Variants in CADPS2 observed in about 807,000 individuals in gnomAD.
CADPS2 encodes calcium-dependent secretion activator 2.
In CADPS2, 93 loss-of-function variants were observed where a neutral mutation model predicts 172.5. That is an observed-to-expected ratio of 0.54 (90% CI 0.46 to 0.64). The LOEUF (loss-of-function observed/expected upper bound fraction) is 0.64, where lower values mean the gene tolerates loss of function less well. Among genes scored for constraint, CADPS2 ranks in the 30% least tolerant of loss-of-function variants. The probability of loss-of-function intolerance (pLI) is 0.00; values close to 1 mark genes in which losing one functional copy is unlikely to be tolerated. For synonymous variants in CADPS2, 546 were observed against 555.2 expected (o/e 0.98, Z 0.23); for missense variants, 1,420 against 1,565.9 (o/e 0.91, Z 1.57).
intron 15 of CADPS2, among the ~76,000 whole-genome samples, chr7:122,444,848 T>G (rs1298965937): frequency 6.6e-6 from 1 of 152,134 alleles, no homozygotes; most frequent in East Asian, 1.9e-4. Flanking sequence ...TGATTATGTT[T>G]TATTTAAGAA....
intron 1 of CADPS2, among the ~76,000 whole-genome samples, chr7:122,792,868 C>T (rs1180029311): frequency 2.0e-5 from 3 of 152,190 alleles, no homozygotes; most frequent in South Asian, 2.1e-4. Flanking sequence ...CTTCTGGCAA[C>T]TTCTAGTTCA....
At chr7:122,711,310 C>T (rs2088678224) in intron 2 of CADPS2, among the ~76,000 whole-genome samples, 1 of 152,022 alleles carries the variant, frequency 6.6e-6, no homozygotes, top group Non-Finnish European at 1.5e-5. Flanking sequence ...AAAAATTCTC[C>T]TTTAATTATT....
At chr7:122,788,039 G>A (rs1794448953) in intron 1 of CADPS2, among the ~76,000 whole-genome samples, 1 of 152,162 alleles carries the variant, frequency 6.6e-6, no homozygotes, top group Admixed American at 6.5e-5. Context: ...CACACTATGG[G>A]AGACTGAGAA....
chr7:122,602,821 G>A (rs1478938073), intron 6 of CADPS2, among the ~76,000 whole-genome samples: 2 of 152,066 alleles, frequency 1.3e-5, no homozygotes, highest in Non-Finnish European at 2.9e-5. Flanking sequence ...TATAAGGTTG[G>A]ATTCAATTTA....
intron 29 of CADPS2, 74 bp from the exon 30 acceptor site, chr7:122,320,412 A>G: frequency 8.4e-7 from 1 of 1,188,786 alleles, no homozygotes; most frequent in Non-Finnish European, 1.1e-6. Context: ...CTCAGTTGGC[A>G]TTTCAAAAAT....
intron 1 of CADPS2, among the ~76,000 whole-genome samples, chr7:122,854,276 T>C (rs1814565307): frequency 6.6e-6 from 1 of 151,944 alleles, no homozygotes; most frequent in South Asian, 2.1e-4. Context: ...GGAAGCAAGA[T>C]GGAAGAATCA....
chr7:122,554,633 T>C lies in CADPS2; in HGVS notation c.1392A>G (p.Val464=). 1.2e-6 allele frequency: 2 copies of C among 1,611,790 alleles called. No individual in the cohort carries two copies. Among genetic ancestry groups the C allele is most frequent in the South Asian group, 1.1e-5 (1 of 90,882 alleles). The change falls in exon 8 of 30, where the codon GTA becomes GTG. Residue 464 remains valine, a synonymous_variant. Coordinates refer to ENST00000449022, the MANE Select transcript of CADPS2 (RefSeq NM_017954.11). The part of the protein sequence containing the change: ...SSKSAELHRM[V]VPKNSQDSDL... ...CAGAATCCTGGCTATTTTTTGGAAC[T>C]ACCATTCGGTGTAATTCAGCTGATT... is the stretch of plus-strand genomic sequence containing the variant.
chr7:122,765,605 A>G (rs1389244867), intron 1 of CADPS2, among the ~76,000 whole-genome samples: 1 of 152,148 alleles, frequency 6.6e-6, no homozygotes, highest in South Asian at 2.1e-4. Flanking sequence ...ATCTAGCTAA[A>G]GTATATTCCA....
intron 22 of CADPS2, among the ~76,000 whole-genome samples, chr7:122,391,796 G>C (rs932622603): frequency 5.3e-5 from 8 of 152,042 alleles, no homozygotes; most frequent in Non-Finnish European, 1.2e-4. Context: ...GTGTGGATTT[G>C]CAGTTGGTGG....
chr7:122,874,852 C>T (rs1820792064), intron 1 of CADPS2, among the ~76,000 whole-genome samples: 1 of 152,070 alleles, frequency 6.6e-6, no homozygotes, highest in Non-Finnish European at 1.5e-5. Context: ...AAACTGGACC[C>T]CTTCCTTATA....
intron 1 of CADPS2, among the ~76,000 whole-genome samples, chr7:122,787,188 C>T (rs905039736): frequency 2.6e-5 from 4 of 152,126 alleles, no homozygotes; most frequent in Non-Finnish European, 5.9e-5. Context: ...ACACCCTGCA[C>T]CTCAATCTCA....
At chr7:122,610,299 A>G (rs1489642103) in intron 6 of CADPS2, among the ~76,000 whole-genome samples, 1 of 151,390 alleles carries the variant, frequency 6.6e-6, no homozygotes, top group Non-Finnish European at 1.5e-5. Context: ...ATTAAATAAC[A>G]GCCCATGAAA....
chr7:122,567,949 T>C (rs187061856), intron 7 of CADPS2, among the ~76,000 whole-genome samples: 77 of 152,238 alleles, frequency 5.1e-4, no homozygotes, highest in African/African-American at 1.8e-3. Context: ...AATATTCATA[T>C]TAAAATATAA....
intron 1 of CADPS2, among the ~76,000 whole-genome samples, chr7:122,787,100 C>T (rs921431763): frequency 1.3e-5 from 2 of 152,116 alleles, no homozygotes; most frequent in Non-Finnish European, 2.9e-5. Context: ...GAAGCCACTC[C>T]AGAAGGAATA....
intron 14 of CADPS2, among the ~76,000 whole-genome samples, chr7:122,455,058 C>T (rs954248621): frequency 6.6e-6 from 1 of 152,062 alleles, no homozygotes; most frequent in Admixed American, 6.6e-5. Flanking sequence ...AAAGCCAAAG[C>T]CTTTATAATG....
chr7:122,663,790 TA>T lies in CADPS2; in HGVS notation c.454-222del, dbSNP rs1385432958. 2.0e-5 allele frequency among the ~76,000 whole-genome samples: 3 copies of T among 152,316 alleles called. No homozygotes were observed. The East Asian group carries it at 5.8e-4, about 29-fold the overall frequency. ...AATGTGTAGGAGACACAGTATACAG[TA>T]AAAAATACCAGTAAGATGGTTTACT... On this transcript the variant is annotated intron_variant, in intron 2 of 29. Transcript: ENST00000449022.
intron 17 of CADPS2, among the ~76,000 whole-genome samples, chr7:122,416,957 C>A (rs543319971): frequency 7.2e-5 from 11 of 152,268 alleles, no homozygotes; most frequent in African/African-American, 2.6e-4. Context: ...AGATCAGTTC[C>A]CAATAAGGAC....
At chr7:122,437,442 AC>A (rs374588052) in intron 17 of CADPS2, among the ~76,000 whole-genome samples, 63 of 152,266 alleles carry the variant, frequency 4.1e-4, no homozygotes, top group African/African-American at 1.4e-3. Flanking sequence ...GTAAAACTAT[AC>A]TAATATCAAC....
intron 8 of CADPS2, among the ~76,000 whole-genome samples, chr7:122,532,828 C>T (rs2061898232): frequency 6.6e-6 from 1 of 152,022 alleles, no homozygotes; most frequent in South Asian, 2.1e-4. Context: ...ACCAAAATAA[C>T]ATTTTTCTTG....
Sources: gnomAD v4.1 joint callset for allele counts (sites outside exome capture counted in the v4.1 genomes callset) on GRCh38, gnomAD v4.1.1 for gene constraint, MANE v1.5 for transcripts, NCBI Gene and HGNC (gene_info 2026-07-23, HGNC 2026-07-21) for gene names.